SLC15A2: variants seen among roughly 807,000 people sequenced by gnomAD.
SLC15A2 encodes kidney H(+)/peptide cotransporter.
In SLC15A2, 77 loss-of-function variants were observed where a neutral mutation model predicts 95.5. The observed-to-expected ratio is 0.81, with a 90% CI of 0.67 to 0.97. The LOEUF is 0.97. SLC15A2 is among the 50% of genes least tolerant of loss of function. The pLI is 0.00. For missense variants in SLC15A2, 893 were observed against 874.4 expected (o/e 1.02, Z -0.27); for synonymous variants, 306 against 306.9 (o/e 1.00, Z 0.03).
At chr3:121,906,790 C>T (rs936195621) in intron 3 of SLC15A2, among the ~76,000 whole-genome samples, 2 of 152,160 alleles carry the variant, frequency 1.3e-5, no homozygotes, top group African/African-American at 2.4e-5. Flanking sequence ...CTGCCCTTAA[C>T]ATTTTTTCCT....
At position 121,940,506 on chromosome 3, in the gene SLC15A2, GC is replaced by G; in HGVS notation, c.2013+19del. On this transcript the variant is annotated intron_variant, in intron 21 of 21. Transcript: ENST00000489711. ...TGGTACAGGTATGGATCTGAGGGAA[GC>G]AGGATTCATTTCTACTCAAGTTTTT... The G allele has an allele frequency of 1.3e-6, 2 of 1,585,292 alleles. No homozygotes were observed. The highest frequency in any genetic ancestry group is 1.7e-6 in the Non-Finnish European group (2 of 1,154,476).
rs746176992 is a variant in SLC15A2, at chr3:121,897,356, C to A, written c.194-32C>A. 1.0e-5 allele frequency: 16 copies of A among 1,604,670 alleles called. No homozygotes were observed. In the South Asian group the frequency reaches 1.8e-4, roughly 18 times the overall value. On this transcript the variant is annotated intron_variant, in intron 2 of 21. Transcript: ENST00000489711. ...CTTTAATGCATCTATCTTGTTTTGT[C>A]TCCCCACGCCTCCTTTTTTTTCCCA...
intron 3 of SLC15A2, among the ~76,000 whole-genome samples, chr3:121,906,064 A>C (rs1709634394): frequency 6.6e-6 from 1 of 152,174 alleles, no homozygotes; most frequent in Non-Finnish European, 1.5e-5. Flanking sequence ...TAGGATAGCT[A>C]GGTCTTCTTG....
chr3:121,934,487 T>C (rs1274209830), intron 19 of SLC15A2, among the ~76,000 whole-genome samples: 1 of 151,926 alleles, frequency 6.6e-6, no homozygotes, highest in African/African-American at 2.4e-5. Context: ...ACATCCCTTG[T>C]AAGTTGGATT....
chr3:121,938,115 T>G (rs1710385394), intron 19 of SLC15A2, among the ~76,000 whole-genome samples: 2 of 151,828 alleles, frequency 1.3e-5, no homozygotes, highest in Admixed American at 6.6e-5. Flanking sequence ...GGAGGCAGTC[T>G]GCCCGTTCTC....
rs141792244 is a variant in SLC15A2, at chr3:121,927,394, C to T, written c.1125-364C>T. ...GTTTAGCACCATTCTGTGGTGCTATCTTCATGATAGTGAATGAGTTCTCAC... is the reference window on the plus strand; with the variant it reads ...GTTTAGCACCATTCTGTGGTGCTATTTTCATGATAGTGAATGAGTTCTCAC... On this transcript the variant is annotated intron_variant, in intron 13 of 21. Coordinates refer to ENST00000489711, the MANE Select transcript of SLC15A2 (RefSeq NM_021082.4). 4.4e-3 allele frequency among the ~76,000 whole-genome samples: 666 copies of T among 152,306 alleles called. 6 individuals are homozygous for T. The highest frequency in any genetic ancestry group is 0.015 in the African/African-American group (630 of 41,564).
Position 121,940,836 on chromosome 3 carries a change from C to T in SLC15A2, c.2019C>T (p.Ala673=), listed in dbSNP as rs145814457. ...ATATTTATTTCCCCCTGCAGTGGGC[C>T]GAATTCATTTTGTTTTCCTGCCTCC... ...VAQFSGLVQW[A]EFILFSCLLL... The change falls in exon 22 of 22, where the codon GCC becomes GCT. Residue 673 remains alanine (A), a synonymous_variant. Transcript: ENST00000489711. The T allele has an allele frequency of 9.2e-5, 148 of 1,611,362 alleles. No individual in the cohort carries two copies. In the East Asian group the frequency reaches 2.2e-3, roughly 24 times the overall value.
At chr3:121,934,314 C>T (rs1465085779) in intron 19 of SLC15A2, among the ~76,000 whole-genome samples, 2 of 152,298 alleles carry the variant, frequency 1.3e-5, no homozygotes, top group East Asian at 3.9e-4. Context: ...TCATTGGTAG[C>T]TTGATGGGGA....
intron 19 of SLC15A2, 99 bp downstream of exon 19, chr3:121,931,834 G>T (rs1334301231): frequency 1.5e-6 from 1 of 684,508 alleles, no homozygotes; most frequent in Non-Finnish European, 2.6e-6. Flanking sequence ...AGACTCTGTG[G>T]CAAAGCAGAC....
intron 8 of SLC15A2, 60 bp from the exon 9 acceptor site, chr3:121,922,715 G>T: frequency 8.0e-7 from 1 of 1,252,542 alleles, no homozygotes; most frequent in Non-Finnish European, 1.1e-6. Context: ...ATAATAAGTT[G>T]GAAAAGGCAG....
At chr3:121,922,445 C>A in intron 8 of SLC15A2, 143 bp downstream of exon 8, 1 of 651,096 alleles carries the variant, frequency 1.5e-6, no homozygotes, top group Non-Finnish European at 2.6e-6. Context: ...CTAAGATTAA[C>A]CAGTCTTCTT....
chr3:121,908,432 T>C (rs563000863), intron 3 of SLC15A2, among the ~76,000 whole-genome samples: 3 of 152,208 alleles, frequency 2.0e-5, no homozygotes, highest in Non-Finnish European at 4.4e-5. Context: ...GGTACCTCAG[T>C]TGGAAATGCA....
chr3:121,896,140 T>G (rs1248939788), intron 1 of SLC15A2, among the ~76,000 whole-genome samples: 1 of 152,186 alleles, frequency 6.6e-6, no homozygotes, highest in Admixed American at 6.5e-5. Context: ...TGTGGGAAGA[T>G]GAGCAGGTCC....
chr3:121,914,937 A>G, intron 5 of SLC15A2: 1 of 993,968 alleles, frequency 1.0e-6, no homozygotes, highest in Non-Finnish European at 1.2e-6. Context: ...TAATATTAGA[A>G]TAGCTATATA....
rs751534058 is a variant in SLC15A2 at position 121,923,011 on chromosome 3, T to A, written c.868-29T>A. ...AAAGCCATGTACAGAACTTCTAGCATTTCTGCCCATTCTTCCTCCTTTTCG... is the reference window on the plus strand; with the variant it reads ...AAAGCCATGTACAGAACTTCTAGCAATTCTGCCCATTCTTCCTCCTTTTCG... On this transcript the variant is annotated intron_variant, in intron 9 of 21. Coordinates refer to ENST00000489711, the MANE Select transcript of SLC15A2 (RefSeq NM_021082.4). 2.5e-6 allele frequency: 4 copies of A among 1,607,352 alleles called. No homozygotes were observed. The South Asian group carries it at 4.4e-5, about 18-fold the overall frequency.
intron 13 of SLC15A2, among the ~76,000 whole-genome samples, chr3:121,925,460 C>T (rs1710097152): frequency 6.6e-6 from 1 of 151,760 alleles, no homozygotes; most frequent in Non-Finnish European, 1.5e-5. Context: ...CTGAATTATT[C>T]CCAATTACTG....
At chr3:121,911,880 CTTCA>C (rs1709775116) in intron 4 of SLC15A2, among the ~76,000 whole-genome samples, 1 of 152,154 alleles carries the variant, frequency 6.6e-6, no homozygotes, top group African/African-American at 2.4e-5. Context: ...TTAGTATCCT[CTTCA>C]TATGCTTGAA....
rs1709380525 is a variant in SLC15A2, at chr3:121,894,462, A to T, written c.-15A>T. 1 of 1,602,478 alleles carries T rather than the reference A, an allele frequency of 6.2e-7. No homozygotes were observed. Among genetic ancestry groups the T allele is most frequent in the South Asian group, 1.1e-5 (1 of 90,270 alleles). On this transcript the variant is annotated 5_prime_UTR_variant, in exon 1 of 22. Coordinates refer to ENST00000489711, the MANE Select transcript of SLC15A2 (RefSeq NM_021082.4). ...GCCAAATGCTTGAGGAGAGAGAGAG[A>T]GTAAGGAGCCAGCCATGAATCCTTT...
At chr3:121,919,106 C>T (rs1250696964) in intron 7 of SLC15A2, among the ~76,000 whole-genome samples, 2 of 152,226 alleles carry the variant, frequency 1.3e-5, no homozygotes, top group Non-Finnish European at 2.9e-5. Flanking sequence ...ATAGCTCCTG[C>T]TCAGGGAGTC....
Sources: gnomAD v4.1 joint callset for allele counts (sites outside exome capture counted in the v4.1 genomes callset) on GRCh38, gnomAD v4.1.1 for gene constraint, MANE v1.5 for transcripts, NCBI Gene and HGNC (gene_info 2026-07-23, HGNC 2026-07-21) for gene names.